The following EPS8L2 variants were observed in gnomAD, a reference collection of about 807,000 sequenced individuals.
EPS8L2 encodes the protein epidermal growth factor receptor kinase substrate 8-like protein 2.
EPS8L2 carries 81 observed loss-of-function variants against 99.4 expected under a neutral mutation model. The ratio of observed to expected loss-of-function variants is 0.82; its 90% CI spans 0.68 to 0.98. The LOEUF (loss-of-function observed/expected upper bound fraction) is 0.98, where lower values mean the gene tolerates loss of function less well. EPS8L2 is among the 50% of genes least tolerant of loss of function. The pLI is 0.00. For missense variants in EPS8L2, 1,155 were observed against 968.8 expected, an observed-to-expected ratio of 1.19 and a Z score of -2.55; for synonymous variants, 509 against 407.3, an observed-to-expected ratio of 1.25 and a Z score of -3.01.
rs1199453468 is a variant in EPS8L2 at position 712,291 on chromosome 11, G to GA, written c.165+1816dup. Among the ~76,000 whole-genome samples, 224 of 143,746 alleles carry GA rather than the reference G, an allele frequency of 1.6e-3. 1 individual carries two copies. Among genetic ancestry groups the GA allele is most frequent in the African/African-American group, 5.4e-3 (213 of 39,544 alleles). The allele number at this position is 143,746 out of a possible 152,430, so 94.3% of individuals were successfully genotyped here. A position where few individuals can be genotyped will look rare whatever the true frequency, so the allele number is the denominator to read the frequency against. ...ACAGGGCGAGACTCCATCTCAAAAG[G>GA]AAAAAAAAAAAGGCCCCTGCGCCTG... On this transcript the variant is annotated intron_variant, in intron 4 of 20. Coordinates refer to ENST00000318562, the MANE Select transcript of EPS8L2 (RefSeq NM_022772.4).
rs188538188 is a variant in EPS8L2, at chr11:718,724, A to T, written c.166-1338A>T. On this transcript the variant is annotated intron_variant, in intron 4 of 20. Transcript: ENST00000318562. Reference sequence around the variant, plus strand: ...CACTCTGTCGCCCAGGCTGGAGTGCAGTGGCACGATCTTGATTCACTGCAA... The same window carrying T: ...CACTCTGTCGCCCAGGCTGGAGTGCTGTGGCACGATCTTGATTCACTGCAA... 2.7e-5 allele frequency among the ~76,000 whole-genome samples: 4 copies of T among 149,204 alleles called. No individual in the cohort carries two copies. The East Asian group carries it at 7.9e-4, about 29-fold the overall frequency.
At position 726,918 on chromosome 11, in the gene EPS8L2, G is replaced by A. The variant is rs371292622; in HGVS notation, c.2085G>A (p.Ser695=). The change falls in exon 21 of 21, where the codon TCG becomes TCA. Residue 695 remains serine, a synonymous_variant. Coordinates refer to ENST00000318562, the MANE Select transcript of EPS8L2 (RefSeq NM_022772.4). ...KAFLEKQQSG[S]ELEELMNKFH... ...CTCCCTAGAAGCAGCAAAGTGGGTC[G>A]GAGCTGGAAGAACTCATGAACAAGT... 8.7e-6 allele frequency: 14 copies of A among 1,613,088 alleles called. No individual in the cohort carries two copies. In the African/African-American group the frequency reaches 1.1e-4, roughly 12 times the overall value.
At chr11:723,801 C>A (rs1862252018) in intron 15 of EPS8L2, among the ~76,000 whole-genome samples, 1 of 144,348 alleles carries the variant, frequency 6.9e-6, no homozygotes. Flanking sequence ...GGACAAAGAA[C>A]AAGCCTATGG....
At chr11:707,234 C>T (rs939218171) in intron 1 of EPS8L2, among the ~76,000 whole-genome samples, 1 of 152,184 alleles carries the variant, frequency 6.6e-6, no homozygotes, top group African/African-American at 2.4e-5. Context: ...CTGCCTCGGT[C>T]TCCTTTCCCA....
At position 721,095 on chromosome 11, in the gene EPS8L2, TC is replaced by T; in HGVS notation, c.591del (p.Ile198SerfsTer55). The T allele has an allele frequency of 6.6e-7, 1 of 1,516,884 alleles. No individual in the cohort carries two copies. The allele number at this position is 1,516,884 out of a possible 1,614,324, so 94.0% of individuals were successfully genotyped here. On this transcript the variant is annotated frameshift_variant, in exon 8 of 21. Transcript: ENST00000318562. LOFTEE classifies it high-confidence loss of function. ...CCAGGAGAAGATTCGGCAGCGGCAG[TC>T]CATCCTGCCTCCTCCCCAGGGCCCG... ...GHQEKIRQRQSILPPPQGPAP... is the reference protein window; with the variant it reads ...GHQEKIRQRQXILPPPQGPAP...
At chr11:722,197 G>A in intron 12 of EPS8L2, 32 bp downstream of exon 12, 1 of 1,605,664 alleles carries the variant, frequency 6.2e-7, no homozygotes, top group Non-Finnish European at 8.5e-7. Flanking sequence ...GGGCGCGCAG[G>A]GTGGGGGCCC....
intron 4 of EPS8L2, among the ~76,000 whole-genome samples, chr11:712,878 C>G (rs148141883): frequency 6.6e-6 from 1 of 152,234 alleles, no homozygotes. Flanking sequence ...GAGCAGTGGC[C>G]GAGTTCACTT....
intron 5 of EPS8L2, 36 bp downstream of exon 5, chr11:720,259 T>G (rs1232862874): frequency 6.2e-7 from 1 of 1,604,822 alleles, no homozygotes; most frequent in African/African-American, 1.3e-5. Flanking sequence ...GGGAGCACAG[T>G]GGGTAGAGGC....
At position 724,892 on chromosome 11, in the gene EPS8L2, AC is replaced by A; in HGVS notation, c.1560+65del. The stretch of plus-strand genomic sequence containing the variant: ...AGGGCAGGGCTTCAAGGGAGGGGCT[AC>A]CAGGGGAGGTGGGGAGCGGTCTAGG... On this transcript the variant is annotated intron_variant, in intron 16 of 20. Transcript: ENST00000318562. This position sits in a 1 kb window ranked among gnomAD's most constrained non-coding sequence, Gnocchi z 5.5. The A allele has an allele frequency of 7.7e-7, 1 of 1,294,538 alleles. No homozygotes were observed. The highest frequency in any genetic ancestry group is 1.1e-6 in the Non-Finnish European group (1 of 898,210). The allele number at this position is 1,294,538 out of a possible 1,614,324, so 80.2% of individuals were successfully genotyped here. A position where few individuals can be genotyped will look rare whatever the true frequency, so the allele number is the denominator to read the frequency against.
intron 4 of EPS8L2, among the ~76,000 whole-genome samples, chr11:713,413 G>A (rs929599312): frequency 1.3e-5 from 2 of 152,176 alleles, no homozygotes; most frequent in African/African-American, 2.4e-5. Context: ...ACGGAGTCTC[G>A]CTCTGTCACC....
Position 725,827 on chromosome 11 carries a change from G to T in EPS8L2, c.1660G>T (p.Ala554Ser). ...NILGEARPEDAGAPFEQAGQK... is the reference protein window; with the variant it reads ...NILGEARPEDSGAPFEQAGQK... ...CCTAGGCGAGGCGCGACCGGAGGAC[G>T]CCGGCGCCCCGTTCGAGCAGGTGAG... is the stretch of plus-strand genomic sequence containing the variant. Residue 554 changes from alanine (A) to serine (S), a missense_variant, in exon 17 of 21, where the codon GCC (alanine) becomes TCC (serine). Coordinates refer to ENST00000318562, the MANE Select transcript of EPS8L2 (RefSeq NM_022772.4). The T allele has an allele frequency of 7.2e-7, 1 of 1,383,674 alleles. No homozygotes were observed. The allele number at this position is 1,383,674 out of a possible 1,614,324, so 85.7% of individuals were successfully genotyped here. A position where few individuals can be genotyped will look rare whatever the true frequency, so the allele number is the denominator to read the frequency against.
chr11:713,438 A>G (rs1043837133), intron 4 of EPS8L2, among the ~76,000 whole-genome samples: 5 of 152,092 alleles, frequency 3.3e-5, no homozygotes, highest in African/African-American at 7.2e-5. Context: ...CTGGAGTGCA[A>G]TGGCGCGATC....
In EPS8L2 at chr11:725,780, C is replaced by T; in HGVS notation, c.1613C>T (p.Ala538Val). 8 of 1,364,988 alleles carry T rather than the reference C, an allele frequency of 5.9e-6. No homozygotes were observed. The highest frequency in any genetic ancestry group is 6.6e-6 in the Non-Finnish European group (7 of 1,062,474). 84.6% of individuals were successfully genotyped at this position (1,364,988 alleles called of 1,614,324 possible). The change falls in exon 17 of 21, where the codon GCG (alanine) becomes GTG (valine). Residue 538 changes from alanine to valine, a missense_variant. By Grantham distance (64) the Ala-to-Val change is moderately conservative (BLOSUM62 0). Coordinates refer to ENST00000318562, the MANE Select transcript of EPS8L2 (RefSeq NM_022772.4). ...AAGCTGCGCAGCCGCAGCGGCCAGG[C>T]GGGGTACGTGCCCTGCAACATCCTA... is the stretch of plus-strand genomic sequence containing the variant. ...WWKLRSRSGQ[A>V]GYVPCNILGE... is the part of the protein sequence containing the mutation.
At chr11:712,593 G>C (rs1046761489) in intron 4 of EPS8L2, among the ~76,000 whole-genome samples, 7 of 152,264 alleles carry the variant, frequency 4.6e-5, no homozygotes, top group African/African-American at 1.7e-4. Context: ...TGCAGGACCA[G>C]TCCTTTCTGC....
At chr11:712,189 G>A (rs923885430) in intron 4 of EPS8L2, among the ~76,000 whole-genome samples, 3 of 151,780 alleles carry the variant, frequency 2.0e-5, no homozygotes, top group African/African-American at 7.3e-5. Flanking sequence ...GGGAAGCTGA[G>A]ACAGGAGAAT....
At chr11:715,196 T>A (rs531762876) in intron 4 of EPS8L2, among the ~76,000 whole-genome samples, 1 of 151,704 alleles carries the variant, frequency 6.6e-6, no homozygotes, top group Admixed American at 6.6e-5. Flanking sequence ...AAGCTGAGAT[T>A]GCGCCACTGC....
chr11:708,794 G>C (rs1861800785), intron 1 of EPS8L2: 1 of 156,090 alleles, frequency 6.4e-6, no homozygotes. Flanking sequence ...AAGTCCACAT[G>C]TGGGTGCAGG....
At position 710,457 on chromosome 11, in the gene EPS8L2, A is replaced by G; in HGVS notation, c.136A>G (p.Met46Val). ...RKKYSNSNVI[M>V]HETSQYHVQH... The stretch of plus-strand genomic sequence containing the variant: ...GAAGTATTCCAACTCCAACGTCATC[A>G]TGCACGAGACCTCGCAGTACCACGT... The change falls in exon 4 of 21, where the codon ATG (methionine) becomes GTG (valine). Residue 46 changes from methionine to valine, a missense_variant. Transcript: ENST00000318562. 6.2e-7 allele frequency: 1 copy of G among 1,613,724 alleles called. No homozygotes were observed. Among genetic ancestry groups the G allele is most frequent in the Non-Finnish European group, 8.5e-7 (1 of 1,179,970 alleles).
chr11:709,126 G>C (rs1359976802), intron 1 of EPS8L2: 4 of 585,656 alleles, frequency 6.8e-6, no homozygotes, highest in Non-Finnish European at 1.2e-5. Context: ...AGCACCTAGG[G>C]TCTGAGGCAT....
Sources: allele counts gnomAD v4.1 joint callset (sites outside exome capture counted in the v4.1 genomes callset), GRCh38; gene constraint gnomAD v4.1.1; non-coding constraint Gnocchi (gnomAD v3.1); transcripts MANE v1.5; gene names NCBI Gene and HGNC (gene_info 2026-07-23, HGNC 2026-07-21).